The following TUSC3 variants were observed in gnomAD, a reference collection of about 807,000 sequenced individuals.
TUSC3 encodes tumor suppressor candidate 3, also known as dolichyl-diphosphooligosaccharide--protein glycosyltransferase subunit TUSC3.
In TUSC3, 45 loss-of-function variants were observed where a neutral mutation model predicts 44.8. That is an observed-to-expected ratio of 1.00 (90% CI 0.79 to 1.29). The LOEUF is 1.29. TUSC3 is among the 50% of genes most tolerant of loss of function. The pLI is 0.00. For missense variants in TUSC3, 519 were observed against 437.9 expected, an observed-to-expected ratio of 1.19 and a Z score of -1.65; for synonymous variants, 212 against 152.9, an observed-to-expected ratio of 1.39 and a Z score of -2.85.
At chr8:15,731,889 T>A (rs1234401971) in intron 7 of TUSC3, among the ~76,000 whole-genome samples, 1 of 152,146 alleles carries the variant, frequency 6.6e-6, no homozygotes, top group East Asian at 1.9e-4. Flanking sequence ...GCTTACTGTG[T>A]TTTAGGCACT....
intron 2 of TUSC3, among the ~76,000 whole-genome samples, chr8:15,534,323 A>G (rs928665178): frequency 2.0e-5 from 3 of 152,138 alleles, no homozygotes; most frequent in Non-Finnish European, 2.9e-5. Context: ...CTAGGGTTAA[A>G]TTTCTCATGG....
At chr8:15,847,392 T>C in the TUSC3 span, among the ~76,000 whole-genome samples, 1 of 152,170 alleles carries the variant, frequency 6.6e-6, no homozygotes, top group East Asian at 1.9e-4. Flanking sequence ...AACTTCTCTG[T>C]TGTGCAAAAT....
At chr8:15,801,788 T>C in the TUSC3 span, among the ~76,000 whole-genome samples, 3 of 152,156 alleles carry the variant, frequency 2.0e-5, no homozygotes, top group Admixed American at 2.0e-4. Context: ...GGATGAGTTT[T>C]CTCTCATTTG....
chr8:15,500,620 G>T (rs890520472), intron 2 of TUSC3, among the ~76,000 whole-genome samples: 2 of 152,176 alleles, frequency 1.3e-5, no homozygotes, highest in Admixed American at 1.3e-4. Flanking sequence ...GTTGAACCTG[G>T]TAGATGAATC....
At chr8:15,748,011 A>C (rs759760446) in intron 8 of TUSC3, among the ~76,000 whole-genome samples, 1 of 152,130 alleles carries the variant, frequency 6.6e-6, no homozygotes. Flanking sequence ...CGCAAGAGGC[A>C]ATAATCTTGT....
chr8:15,723,990 G>T (rs1337176299), intron 6 of TUSC3, among the ~76,000 whole-genome samples: 1 of 152,062 alleles, frequency 6.6e-6, no homozygotes, highest in Non-Finnish European at 1.5e-5. Context: ...CCTTAACCCC[G>T]CAGTGTGACT....
intron 2 of TUSC3, among the ~76,000 whole-genome samples, chr8:15,637,480 T>G (rs1371800667): frequency 6.6e-6 from 1 of 152,172 alleles, no homozygotes; most frequent in African/African-American, 2.4e-5. Context: ...AGATTTTCTG[T>G]CTTCAACTGC....
chr8:15,530,514 C>G (rs1027427474), intron 2 of TUSC3, among the ~76,000 whole-genome samples: 4 of 152,080 alleles, frequency 2.6e-5, no homozygotes, highest in African/African-American at 7.2e-5. Flanking sequence ...AAACTGAGCA[C>G]AGAGATGTGA....
the TUSC3 span, among the ~76,000 whole-genome samples, chr8:15,779,633 G>C: frequency 0.01 from 1,545 of 152,246 alleles, 19 homozygotes; most frequent in African/African-American, 0.035. Context: ...AAAAGAGGAA[G>C]AGTAAAAATG....
intron 6 of TUSC3, among the ~76,000 whole-genome samples, chr8:15,697,350 A>G (rs757324531): frequency 6.6e-5 from 10 of 151,940 alleles, no homozygotes; most frequent in African/African-American, 1.5e-4. Flanking sequence ...TTGTTTCTCT[A>G]GTTCCTTGAG....
intron 1 of TUSC3, among the ~76,000 whole-genome samples, chr8:15,617,136 A>G (rs78999285): frequency 0.12 from 952 of 8,104 alleles, 40 homozygotes; most frequent in African/African-American, 0.21. Context: ...GTGTGTGTAT[A>G]TATTTTTTTT....
chr8:15,582,869 C>G (rs1054370848), intron 1 of TUSC3, among the ~76,000 whole-genome samples: 1 of 152,176 alleles, frequency 6.6e-6, no homozygotes, highest in Admixed American at 6.5e-5. Context: ...AACACTTCTC[C>G]TTTTTAGAAG....
chr8:15,573,220 A>C (rs1438067687), intron 1 of TUSC3, among the ~76,000 whole-genome samples: 48 of 139,642 alleles, frequency 3.4e-4, no homozygotes, highest in African/African-American at 1.2e-3. Context: ...ATATATATAT[A>C]TATATATATA....
the TUSC3 span, among the ~76,000 whole-genome samples, chr8:15,847,445 A>G: frequency 6.6e-6 from 1 of 152,266 alleles, no homozygotes; most frequent in East Asian, 1.9e-4. Flanking sequence ...CCATTTAAAT[A>G]GCTGTCTCCT....
chr8:15,592,448 C>G (rs948492752), intron 1 of TUSC3, among the ~76,000 whole-genome samples: 1 of 152,118 alleles, frequency 6.6e-6, no homozygotes, highest in African/African-American at 2.4e-5. Context: ...GTGGATCCCT[C>G]ATGAATGACA....
At chr8:15,577,910 G>C (rs564122546) in intron 1 of TUSC3, among the ~76,000 whole-genome samples, 1 of 150,772 alleles carries the variant, frequency 6.6e-6, no homozygotes, top group African/African-American at 2.5e-5. Context: ...TGGGCAGTAC[G>C]GCCATTTTTA....
chr8:15,705,000 G>A (rs1367623554), intron 6 of TUSC3, among the ~76,000 whole-genome samples: 8 of 151,160 alleles, frequency 5.3e-5, no homozygotes, highest in Admixed American at 4.6e-4. Flanking sequence ...TAACTTACTA[G>A]GTTTTTCTCT....
At chr8:15,740,226 A>G (rs1405731490) in intron 7 of TUSC3, among the ~76,000 whole-genome samples, 1 of 152,134 alleles carries the variant, frequency 6.6e-6, no homozygotes, top group Non-Finnish European at 1.5e-5. Flanking sequence ...GGGAATAACA[A>G]GTTCAAAGAT....
At chr8:15,428,611 C>G (rs1357412794) in intron 1 of TUSC3, among the ~76,000 whole-genome samples, 1 of 152,164 alleles carries the variant, frequency 6.6e-6, no homozygotes, top group Non-Finnish European at 1.5e-5. Context: ...TCCTATTTCT[C>G]CACATCATCT....
Sources: allele counts gnomAD v4.1 joint callset (sites outside exome capture counted in the v4.1 genomes callset), GRCh38; gene constraint gnomAD v4.1.1; transcripts MANE v1.5; gene names NCBI Gene and HGNC (gene_info 2026-07-23, HGNC 2026-07-21).